TASP1: variants seen among roughly 807,000 people sequenced by gnomAD.
The protein encoded by TASP1 is taspase 1.
In TASP1, 16 loss-of-function variants were observed where a neutral mutation model predicts 56.6. The ratio of observed to expected loss-of-function variants is 0.28; its 90% confidence interval spans 0.19 to 0.43. The LOEUF (loss-of-function observed/expected upper bound fraction) is 0.43. Among genes scored for constraint, TASP1 ranks in the 20% least tolerant of loss-of-function variants. The pLI, the probability that TASP1 is intolerant of heterozygous loss-of-function variation, is 1.00. For synonymous variants in TASP1, 179 were observed against 184.2 expected, an observed-to-expected ratio of 0.97 and a Z score of 0.23; for missense variants, 393 against 511.6, an observed-to-expected ratio of 0.77 and a Z score of 2.24.
chr20:13,508,125 T>G (rs182073731), intron 10 of TASP1, among the ~76,000 whole-genome samples: 3,529 of 150,050 alleles, frequency 0.024, 60 homozygotes, highest in South Asian at 0.068. Flanking sequence ...AGAGTAAAAC[T>G]AAAGGAGTAA....
At chr20:13,637,411 C>T (rs1457483706) in intron 1 of TASP1, among the ~76,000 whole-genome samples, 1 of 152,156 alleles carries the variant, frequency 6.6e-6, no homozygotes, top group Non-Finnish European at 1.5e-5. Flanking sequence ...GAACTGAAAA[C>T]GTATGTCCAT....
At chr20:13,340,249 G>A in the TASP1 span, among the ~76,000 whole-genome samples, 9 of 152,244 alleles carry the variant, frequency 5.9e-5, no homozygotes, top group African/African-American at 2.2e-4. Context: ...AGCCAGCCTA[G>A]CATGAGGAAG....
At chr20:13,394,504 C>T (rs867783464) in intron 13 of TASP1, among the ~76,000 whole-genome samples, 25 of 151,710 alleles carry the variant, frequency 1.6e-4, no homozygotes, top group African/African-American at 4.1e-4. Flanking sequence ...CCCAGCTATT[C>T]GGGAGGCTGA....
the TASP1 span, among the ~76,000 whole-genome samples, chr20:13,262,449 G>T: frequency 1.3e-5 from 2 of 151,664 alleles, no homozygotes; most frequent in African/African-American, 4.8e-5. Flanking sequence ...TGTGTGAAGG[G>T]TTTGTTTTTC....
the TASP1 span, among the ~76,000 whole-genome samples, chr20:13,182,213 T>C: frequency 6.6e-6 from 1 of 152,192 alleles, no homozygotes; most frequent in Non-Finnish European, 1.5e-5. Flanking sequence ...AAACTCCTAT[T>C]CATCTTAAAA....
chr20:13,290,454 C>T, the TASP1 span, among the ~76,000 whole-genome samples: 2 of 152,158 alleles, frequency 1.3e-5, no homozygotes, highest in Admixed American at 6.6e-5. Flanking sequence ...TCGAGACCAT[C>T]CTGGCTAACA....
At chr20:13,201,218 T>C in the TASP1 span, among the ~76,000 whole-genome samples, 1 of 151,928 alleles carries the variant, frequency 6.6e-6, no homozygotes, top group African/African-American at 2.4e-5. Context: ...GCGGGGAGAA[T>C]GGGATTGGAG....
At chr20:13,354,222 A>C in the TASP1 span, among the ~76,000 whole-genome samples, 3 of 152,218 alleles carry the variant, frequency 2.0e-5, no homozygotes, top group Non-Finnish European at 4.4e-5. Flanking sequence ...ATAATCTAAA[A>C]GATTCAAGAT....
At chr20:13,494,930 A>G (rs1307250260) in intron 10 of TASP1, among the ~76,000 whole-genome samples, 1 of 151,694 alleles carries the variant, frequency 6.6e-6, no homozygotes, top group Non-Finnish European at 1.5e-5. Context: ...CCTCTAAGCC[A>G]TGGTGTGCAT....
At chr20:13,445,376 G>A (rs2043370618) in intron 11 of TASP1, among the ~76,000 whole-genome samples, 1 of 152,046 alleles carries the variant, frequency 6.6e-6, no homozygotes, top group Admixed American at 6.6e-5. Context: ...CAGTTGAGAA[G>A]AAAAAAACAA....
In TASP1 at chr20:13,571,540, G is replaced by T. The variant is rs536911243; in HGVS notation, c.489-1954C>A. 2.0e-5 allele frequency among the ~76,000 whole-genome samples: 3 copies of T among 152,196 alleles called. No individual in the cohort carries two copies. In the East Asian group the frequency reaches 5.8e-4, roughly 29 times the overall value. ...TCACCACCTCCACTGCTACCACCTTGGTCTGAGCCACCATCATCTGATACC... is the reference window on the plus strand; with the variant it reads ...TCACCACCTCCACTGCTACCACCTTTGTCTGAGCCACCATCATCTGATACC... On this transcript the variant is annotated intron_variant, in intron 6 of 13. Coordinates refer to ENST00000337743, the MANE Select transcript of TASP1 (RefSeq NM_017714.3).
the TASP1 span, among the ~76,000 whole-genome samples, chr20:13,326,606 T>A: frequency 6.6e-6 from 1 of 152,180 alleles, no homozygotes; most frequent in Non-Finnish European, 1.5e-5. Context: ...TTCCTTAGCG[T>A]TTCATGATGT....
At chr20:13,407,766 C>A (rs967101646) in intron 13 of TASP1, among the ~76,000 whole-genome samples, 9 of 152,246 alleles carry the variant, frequency 5.9e-5, no homozygotes, top group African/African-American at 1.7e-4. Flanking sequence ...TTTATCATAG[C>A]CATCTTGTTG....
At chr20:13,555,382 TAAAAAAA>T (rs59279659) in intron 8 of TASP1, among the ~76,000 whole-genome samples, 1 of 99,352 alleles carries the variant, frequency 1.0e-5, no homozygotes, top group Non-Finnish European at 1.9e-5. Flanking sequence ...AGACTCCCTC[TAAAAAAA>T]AAAAAAAAAA....
the TASP1 span, chr20:13,244,231 G>A: frequency 6.6e-6 from 1 of 152,122 alleles, no homozygotes; most frequent in East Asian, 1.9e-4. Context: ...CAAACTAAAA[G>A]TCTACAAGAG....
At chr20:13,335,120 TAA>T in the TASP1 span, among the ~76,000 whole-genome samples, 9 of 152,198 alleles carry the variant, frequency 5.9e-5, no homozygotes, top group African/African-American at 1.4e-4. Flanking sequence ...CTGAGCCCAT[TAA>T]GTCTCCTCTC....
intron 12 of TASP1, among the ~76,000 whole-genome samples, chr20:13,417,956 A>G (rs1016808771): frequency 3.3e-5 from 5 of 152,232 alleles, no homozygotes; most frequent in African/African-American, 1.2e-4. Context: ...CTTGTTGTCC[A>G]GGCTTGAGTG....
At chr20:13,252,822 G>A in the TASP1 span, among the ~76,000 whole-genome samples, 1 of 151,976 alleles carries the variant, frequency 6.6e-6, no homozygotes, top group African/African-American at 2.4e-5. Flanking sequence ...GCAACTGAAG[G>A]AAACTGTTTT....
the TASP1 span, among the ~76,000 whole-genome samples, chr20:13,314,050 G>C: frequency 6.6e-6 from 1 of 152,018 alleles, no homozygotes; most frequent in Non-Finnish European, 1.5e-5. Context: ...CTCTGAACTT[G>C]AAGACATCTC....
Sources: gnomAD v4.1 joint callset for allele counts (sites outside exome capture counted in the v4.1 genomes callset) on GRCh38, gnomAD v4.1.1 for gene constraint, MANE v1.5 for transcripts, NCBI Gene and HGNC (gene_info 2026-07-23, HGNC 2026-07-21) for gene names.